DCDC1: variants seen among roughly 807,000 people sequenced by gnomAD.
The protein encoded by DCDC1 is doublecortin domain-containing protein 1.
DCDC1 carries 200 observed loss-of-function variants against 178.3 expected under a neutral mutation model. That is an observed-to-expected ratio of 1.12 (90% CI 1.00 to 1.26). DCDC1 has a LOEUF of 1.26. Ranked by LOEUF, DCDC1 falls within the 50% of genes most tolerant of loss-of-function variation. DCDC1 has a pLI of 0.00. For missense variants in DCDC1, 1,983 were observed against 1,749.2 expected (o/e 1.13, Z -2.38); for synonymous variants, 690 against 604.8 (o/e 1.14, Z -2.07).
At chr11:31,008,784 A>G (rs765681681) in intron 20 of DCDC1, among the ~76,000 whole-genome samples, 6 of 152,210 alleles carry the variant, frequency 3.9e-5, no homozygotes, top group Non-Finnish European at 8.8e-5. Context: ...TGCAAGACTG[A>G]TTCTACATGT....
chr11:31,264,113 A>T (rs1386700370), intron 8 of DCDC1, among the ~76,000 whole-genome samples: 1 of 152,204 alleles, frequency 6.6e-6, no homozygotes, highest in Non-Finnish European at 1.5e-5. Context: ...AGATAGTTTA[A>T]TTCATTCATG....
chr11:31,262,540 A>G (rs1317956329), intron 8 of DCDC1: 1 of 152,262 alleles, frequency 6.6e-6, no homozygotes. Flanking sequence ...TTATAAATAA[A>G]AAGTAATTGC....
intron 20 of DCDC1, among the ~76,000 whole-genome samples, chr11:30,971,000 C>T (rs1178736087): frequency 6.6e-6 from 1 of 152,196 alleles, no homozygotes. Context: ...CTGCCACTAT[C>T]ATCACAGCTG....
At chr11:31,110,978 G>GA (rs34133645) in intron 11 of DCDC1, among the ~76,000 whole-genome samples, 13,893 of 150,488 alleles carry the variant, frequency 0.092, 699 homozygotes, top group East Asian at 0.19. Flanking sequence ...ACTCGCTGGG[G>GA]AAAAAAAAAA....
At chr11:31,367,229 G>T (rs1182298543) in intron 1 of DCDC1, among the ~76,000 whole-genome samples, 1 of 152,238 alleles carries the variant, frequency 6.6e-6, no homozygotes, top group Non-Finnish European at 1.5e-5. Context: ...AGCCTGGGAG[G>T]TAGAGGCTGC....
intron 15 of DCDC1, among the ~76,000 whole-genome samples, chr11:31,096,357 C>A (rs949339334): frequency 6.6e-6 from 1 of 152,146 alleles, no homozygotes; most frequent in Non-Finnish European, 1.5e-5. Flanking sequence ...ACTCAACCTC[C>A]TAACTCCAAG....
chr11:30,974,481 A>G (rs1359639716), intron 20 of DCDC1, among the ~76,000 whole-genome samples: 1 of 152,094 alleles, frequency 6.6e-6, no homozygotes, highest in Non-Finnish European at 1.5e-5. Context: ...AGAATCATCA[A>G]GAAAAAAAGA....
intron 3 of DCDC1, among the ~76,000 whole-genome samples, chr11:31,324,693 T>C (rs533773531): frequency 3.0e-4 from 45 of 152,266 alleles, no homozygotes; most frequent in African/African-American, 9.9e-4. Flanking sequence ...ATTTTTGGAA[T>C]GCTGAAGTTG....
At chr11:31,269,738 A>G (rs1945422874) in intron 7 of DCDC1, among the ~76,000 whole-genome samples, 1 of 152,298 alleles carries the variant, frequency 6.6e-6, no homozygotes, top group East Asian at 1.9e-4. Context: ...CTAAAATTTT[A>G]AATCATCATG....
chr11:31,332,578 G>A (rs963862167), intron 2 of DCDC1, among the ~76,000 whole-genome samples: 3 of 152,136 alleles, frequency 2.0e-5, no homozygotes, highest in African/African-American at 7.2e-5. Flanking sequence ...GGTACATTGT[G>A]TCTTTGTTCT....
At chr11:31,053,832 A>C (rs1404019919) in intron 20 of DCDC1, among the ~76,000 whole-genome samples, 1 of 152,238 alleles carries the variant, frequency 6.6e-6, no homozygotes, top group East Asian at 1.9e-4. Flanking sequence ...TAATGTAATA[A>C]AAGTCATCTA....
chr11:30,909,091 G>A lies in DCDC1; in HGVS notation c.3773C>T (p.Ala1258Val). Residue 1258 changes from alanine (A) to valine (V), a missense_variant, in exon 29 of 39, where the codon GCT (alanine) becomes GTT (valine). Ala to Val is a moderately conservative substitution (Grantham distance 64). Coordinates refer to ENST00000684477, the MANE Select transcript of DCDC1 (RefSeq NM_001387274.1). ...VQKYKPYNNG[A>V]ANQKWHYMKN... ...CATGTAATGCCACTTTTGATTGGCA[G>A]CTCCATTGTTGTACGGCTTATATTT... 2 of 1,610,752 alleles carry A rather than the reference G, an allele frequency of 1.2e-6. No homozygotes were observed. Among genetic ancestry groups the A allele is most frequent in the Non-Finnish European group, 1.7e-6 (2 of 1,177,914 alleles).
chr11:31,257,687 T>G (rs1033934863), intron 8 of DCDC1, among the ~76,000 whole-genome samples: 3 of 124,372 alleles, frequency 2.4e-5, no homozygotes, highest in African/African-American at 9.6e-5. Context: ...ATTTGACAGA[T>G]AGGAAAACAC....
Position 31,307,653 on chromosome 11 carries a change from T to C in DCDC1, c.420A>G (p.Pro140=). The C allele has an allele frequency of 6.2e-7, 1 of 1,614,042 alleles. No individual in the cohort carries two copies. Among genetic ancestry groups the C allele is most frequent in the East Asian group, 2.2e-5 (1 of 44,880 alleles). Residue 140 remains proline, a synonymous_variant, in exon 4 of 39, where the codon CCA becomes CCG. Coordinates refer to ENST00000684477, the MANE Select transcript of DCDC1 (RefSeq NM_001387274.1). The stretch of plus-strand genomic sequence containing the variant: ...GCTTTGATTACCTCAGTTGACCCAC[T>C]GGAGCACTGACAGGTCTGTTTCTCT... The part of the protein sequence containing the change: ...ASKRNRPVSA[P]VGQLRVAEFS...
At chr11:31,129,744 T>G (rs1045577414) in intron 10 of DCDC1, among the ~76,000 whole-genome samples, 1 of 152,058 alleles carries the variant, frequency 6.6e-6, no homozygotes, top group African/African-American at 2.4e-5. Flanking sequence ...GCGGTCTCCC[T>G]GTTCCCATCT....
intron 1 of DCDC1, among the ~76,000 whole-genome samples, chr11:31,348,257 C>T (rs924490871): frequency 1.8e-4 from 28 of 152,116 alleles, no homozygotes; most frequent in African/African-American, 6.5e-4. Context: ...TTCGAACTCA[C>T]ATTTTCTAGT....
chr11:30,888,118 G>GAAAGAAAGAA (rs1242258541), intron 36 of DCDC1, among the ~76,000 whole-genome samples: 2 of 133,488 alleles, frequency 1.5e-5, no homozygotes, highest in Admixed American at 8.7e-5. Flanking sequence ...AAGAAAGAAA[G>GAAAGAAAGAA]AAAGAAAGAA....
chr11:31,346,389 G>A (rs1027035883), intron 1 of DCDC1, among the ~76,000 whole-genome samples: 5 of 150,694 alleles, frequency 3.3e-5, no homozygotes, highest in African/African-American at 9.8e-5. Flanking sequence ...GCTTGAACCC[G>A]GGAGGCGGAG....
rs891557056 is a variant in DCDC1, at chr11:30,895,830, A to T, written c.4766-1446T>A. ...CTAAATATAGTTTTTACCCAACTCT[A>T]TTTATAGAGTGCAGATAACATTAAT... On this transcript the variant is annotated intron_variant, in intron 34 of 38. Transcript: ENST00000684477. 5.3e-5 allele frequency among the ~76,000 whole-genome samples: 8 copies of T among 152,148 alleles called. No individual in the cohort carries two copies. The East Asian group carries it at 1.5e-3, about 29-fold the overall frequency.
Sources: gnomAD v4.1 joint callset for allele counts (sites outside exome capture counted in the v4.1 genomes callset) on GRCh38, gnomAD v4.1.1 for gene constraint, MANE v1.5 for transcripts, NCBI Gene and HGNC (gene_info 2026-07-23, HGNC 2026-07-21) for gene names.